Variants in PLPP1 observed in about 807,000 individuals in gnomAD.
PLPP1 encodes the protein phospholipid phosphatase 1, also known as lipid phosphate phosphohydrolase 1a.
Under a neutral mutation model 31.2 loss-of-function variants are expected in PLPP1, and 24 were observed. The ratio of observed to expected loss-of-function variants is 0.77; its 90% CI spans 0.56 to 1.08. The LOEUF is 1.08. Among genes scored for constraint, PLPP1 ranks in the 50% least tolerant of loss-of-function variants. PLPP1 has a pLI of 0.00. For synonymous variants in PLPP1, 146 were observed against 126.3 expected (o/e 1.16, Z -1.05); for missense variants, 319 against 342.7 (o/e 0.93, Z 0.55).
At chr5:55,470,279 A>G (rs1252379329) in intron 2 of PLPP1, among the ~76,000 whole-genome samples, 1 of 152,234 alleles carries the variant, frequency 6.6e-6, no homozygotes, top group Non-Finnish European at 1.5e-5. Context: ...TGATTCTTGA[A>G]AACATATCAA....
At chr5:55,484,577 T>C (rs542756069) in intron 1 of PLPP1, 2 of 152,222 alleles carry the variant, frequency 1.3e-5, no homozygotes, top group South Asian at 2.1e-4. Context: ...ACCAAGGCTA[T>C]AGAGTAAAAA....
rs570447971 is a variant in PLPP1, at chr5:55,513,209, C to A, written c.58+21363G>T. On this transcript the variant is annotated intron_variant, in intron 1 of 5. Transcript: ENST00000307259. ...TAATTTCTCCTATTTCATAGTAAGG[C>A]CCATATTCCAAAGAATATCAAGTAT... Among the ~76,000 whole-genome samples, 3 of 151,472 alleles carry A rather than the reference C, an allele frequency of 2.0e-5. No homozygotes were observed. In the South Asian group the frequency reaches 6.3e-4, roughly 32 times the overall value.
intron 1 of PLPP1, among the ~76,000 whole-genome samples, chr5:55,523,589 C>T (rs1295283795): frequency 2.0e-5 from 3 of 152,126 alleles, no homozygotes; most frequent in Non-Finnish European, 4.4e-5. Context: ...CTGGCTGTAC[C>T]AAGCCTAGAG....
At chr5:55,511,691 T>G (rs1753416040) in intron 1 of PLPP1, among the ~76,000 whole-genome samples, 1 of 122,922 alleles carries the variant, frequency 8.1e-6, no homozygotes. Flanking sequence ...TGAGATGGAG[T>G]CTAGCTGTGT....
chr5:55,498,857 TCAAA>T (rs980313351), intron 1 of PLPP1, among the ~76,000 whole-genome samples: 5 of 152,188 alleles, frequency 3.3e-5, no homozygotes, highest in Admixed American at 6.5e-5. Flanking sequence ...TGTTAACTGC[TCAAA>T]CAAATTTTTA....
intron 1 of PLPP1, among the ~76,000 whole-genome samples, chr5:55,499,600 A>G (rs1213052841): frequency 6.6e-6 from 1 of 150,776 alleles, no homozygotes; most frequent in African/African-American, 2.4e-5. Context: ...CTTTATAACT[A>G]AAAGATTCAT....
chr5:55,471,348 C>A (rs1269118227), intron 2 of PLPP1, among the ~76,000 whole-genome samples: 2 of 151,990 alleles, frequency 1.3e-5, no homozygotes, highest in Non-Finnish European at 2.9e-5. Flanking sequence ...ATTACAGGCA[C>A]CCACCACCGC....
At chr5:55,467,777 C>A (rs1423970282) in intron 3 of PLPP1, 92 bp downstream of exon 3, 15 of 1,359,352 alleles carry the variant, frequency 1.1e-5, no homozygotes, top group Non-Finnish European at 1.4e-5. Context: ...ACTAACTTCT[C>A]TTTTTAAGTG....
At chr5:55,482,982 T>C (rs141214477) in intron 1 of PLPP1, among the ~76,000 whole-genome samples, 4 of 152,200 alleles carry the variant, frequency 2.6e-5, no homozygotes, top group East Asian at 3.9e-4. Flanking sequence ...CACATATATA[T>C]AGTAAATAAT....
intron 1 of PLPP1, among the ~76,000 whole-genome samples, chr5:55,512,044 G>A (rs375072755): frequency 1.3e-5 from 2 of 150,824 alleles, no homozygotes; most frequent in Non-Finnish European, 3.0e-5. Flanking sequence ...CAGGAGAATC[G>A]TTTGAATCTG....
At chr5:55,442,980 A>G (rs1404648898) in intron 3 of PLPP1, among the ~76,000 whole-genome samples, 1 of 151,632 alleles carries the variant, frequency 6.6e-6, no homozygotes, top group Admixed American at 6.6e-5. Context: ...ACTTTTCCCT[A>G]CGTAAGAATA....
chr5:55,493,406 T>G (rs1207615838), intron 1 of PLPP1, among the ~76,000 whole-genome samples: 1 of 151,888 alleles, frequency 6.6e-6, no homozygotes, highest in Admixed American at 6.6e-5. Flanking sequence ...AATTCTATGG[T>G]TTTTCATGGG....
At chr5:55,516,803 T>C (rs1173434746) in intron 1 of PLPP1, among the ~76,000 whole-genome samples, 2 of 152,202 alleles carry the variant, frequency 1.3e-5, no homozygotes, top group Non-Finnish European at 2.9e-5. Flanking sequence ...CTTAATAAAA[T>C]ACAAAATCTG....
At chr5:55,451,782 C>T (rs1751900284) in intron 3 of PLPP1, among the ~76,000 whole-genome samples, 2 of 152,108 alleles carry the variant, frequency 1.3e-5, no homozygotes, top group Admixed American at 6.5e-5. Context: ...AGGCTGGTCT[C>T]AAACTCCTGA....
intron 1 of PLPP1, among the ~76,000 whole-genome samples, chr5:55,487,339 T>A (rs1315284832): frequency 1.3e-5 from 2 of 150,714 alleles, no homozygotes; most frequent in Admixed American, 6.7e-5. Context: ...AAATGTATAA[T>A]GAATTACCAA....
chr5:55,490,402 G>A (rs1189637412), intron 1 of PLPP1, among the ~76,000 whole-genome samples: 1 of 151,898 alleles, frequency 6.6e-6, no homozygotes, highest in Non-Finnish European at 1.5e-5. Context: ...AGCCCATCTC[G>A]GCCTCCCAAA....
intron 1 of PLPP1, among the ~76,000 whole-genome samples, chr5:55,487,891 G>A (rs552460123): frequency 6.6e-6 from 1 of 152,258 alleles, no homozygotes; most frequent in Admixed American, 6.5e-5. Flanking sequence ...CACTTTGGGA[G>A]GCCGAGGCTG....
At chr5:55,444,778 TCTCG>T (rs1484390230) in intron 3 of PLPP1, among the ~76,000 whole-genome samples, 1 of 150,740 alleles carries the variant, frequency 6.6e-6, no homozygotes, top group African/African-American at 2.5e-5. Flanking sequence ...TGTGATGGAG[TCTCG>T]CTCTGTTACC....
chr5:55,521,300 C>T (rs1300845614), intron 1 of PLPP1, among the ~76,000 whole-genome samples: 4 of 150,958 alleles, frequency 2.6e-5, no homozygotes, highest in Admixed American at 6.6e-5. Flanking sequence ...TGCAGTGAGC[C>T]GAGATTGCGC....
Sources: gnomAD v4.1 joint callset for allele counts (sites outside exome capture counted in the v4.1 genomes callset) on GRCh38, gnomAD v4.1.1 for gene constraint, MANE v1.5 for transcripts, NCBI Gene and HGNC (gene_info 2026-07-23, HGNC 2026-07-21) for gene names.